Variants in PDE8B observed in about 807,000 individuals in gnomAD.
PDE8B encodes high affinity cAMP-specific and IBMX-insensitive 3',5'-cyclic phosphodiesterase 8B.
PDE8B carries 26 observed loss-of-function variants against 101.3 expected under a neutral mutation model. That is an observed-to-expected ratio of 0.26 (90% CI 0.19 to 0.36). The LOEUF (loss-of-function observed/expected upper bound fraction) is 0.36, where lower values mean the gene tolerates loss of function less well. Ranked by LOEUF, PDE8B falls within the 10% of genes least tolerant of loss-of-function variation. The pLI is 1.00. For synonymous variants in PDE8B, 424 were observed against 429.3 expected (o/e 0.99, Z 0.15); for missense variants, 810 against 1,163.1 (o/e 0.70, Z 4.42).
Position 77,310,975 on chromosome 5 carries a change from T to C in PDE8B, c.340-1019T>C, listed in dbSNP as rs185027917. ...TAATGTAAAGAAAGTTTGCTTTTCT[T>C]GTTTGTTTTTTGTAACTGAAAAGGC... On this transcript the variant is annotated intron_variant, in intron 1 of 21. Coordinates refer to ENST00000264917, the MANE Select transcript of PDE8B (RefSeq NM_003719.5). Among the ~76,000 whole-genome samples the C allele has an allele frequency of 5.3e-4, 80 of 152,302 alleles. No homozygotes were observed. The East Asian group carries it at 0.015, about 28-fold the overall frequency.
chr5:77,188,883 C>G, the PDE8B span, among the ~76,000 whole-genome samples: 3 of 152,162 alleles, frequency 2.0e-5, no homozygotes, highest in African/African-American at 4.8e-5. Flanking sequence ...ATGAGTAAGT[C>G]TGAGGGTAAA....
the PDE8B span, among the ~76,000 whole-genome samples, chr5:77,156,516 C>G: frequency 6.6e-6 from 1 of 152,186 alleles, no homozygotes; most frequent in South Asian, 2.1e-4. Flanking sequence ...TTACGTACTG[C>G]TGTCTATTAC....
At chr5:77,353,001 A>G (rs1044971972) in intron 9 of PDE8B, among the ~76,000 whole-genome samples, 11 of 152,248 alleles carry the variant, frequency 7.2e-5, no homozygotes, top group African/African-American at 2.7e-4. Context: ...CTATGCAATT[A>G]TTAGTATCAG....
At chr5:77,197,856 T>C in the PDE8B span, among the ~76,000 whole-genome samples, 1 of 150,030 alleles carries the variant, frequency 6.7e-6, no homozygotes, top group Non-Finnish European at 1.5e-5. Context: ...TCTTTTTTAA[T>C]ATTTTCCATT....
chr5:77,271,773 T>C (rs1762847255), intron 1 of PDE8B, among the ~76,000 whole-genome samples: 1 of 152,196 alleles, frequency 6.6e-6, no homozygotes. Flanking sequence ...GTTGACTAGA[T>C]GCTGGATAGT....
chr5:77,353,324 A>C (rs183396697), intron 9 of PDE8B, 22 bp from the exon 10 acceptor site: 1 of 1,353,234 alleles, frequency 7.4e-7, no homozygotes, highest in Admixed American at 1.7e-5. Context: ...TGACTCACTA[A>C]TAACTGATTA....
chr5:77,419,735 G>A, intron 18 of PDE8B, 32 bp from the exon 19 acceptor site: 1 of 1,612,450 alleles, frequency 6.2e-7, no homozygotes, highest in Non-Finnish European at 8.5e-7. Flanking sequence ...GACACGCTGT[G>A]AACAAGCCCC....
intron 1 of PDE8B, among the ~76,000 whole-genome samples, chr5:77,212,757 C>G (rs1439151215): frequency 6.6e-6 from 1 of 152,146 alleles, no homozygotes; most frequent in African/African-American, 2.4e-5. Flanking sequence ...CTCTCTCTCC[C>G]CCTCCCTGTT....
intron 1 of PDE8B, among the ~76,000 whole-genome samples, chr5:77,216,602 G>A (rs1749791445): frequency 6.6e-6 from 1 of 152,164 alleles, no homozygotes; most frequent in Admixed American, 6.5e-5. Flanking sequence ...TAGGGACACA[G>A]CCAAACCATA....
At chr5:77,356,857 C>T (rs1782196407) in intron 10 of PDE8B, among the ~76,000 whole-genome samples, 1 of 152,178 alleles carries the variant, frequency 6.6e-6, no homozygotes, top group Non-Finnish European at 1.5e-5. Flanking sequence ...CCCTACCCTG[C>T]CAAATCCTAT....
chr5:77,259,248 C>T (rs1200091549), intron 1 of PDE8B, among the ~76,000 whole-genome samples: 1 of 152,080 alleles, frequency 6.6e-6, no homozygotes, highest in East Asian at 1.9e-4. Flanking sequence ...TGGGTAGGGT[C>T]CCTTCCAGGT....
At chr5:77,335,217 AT>A (rs1777910838) in intron 5 of PDE8B, among the ~76,000 whole-genome samples, 1 of 152,152 alleles carries the variant, frequency 6.6e-6, no homozygotes, top group African/African-American at 2.4e-5. Flanking sequence ...TTATTCCAGC[AT>A]TTTCAAAACA....
At chr5:77,270,596 A>G (rs145845467) in intron 1 of PDE8B, among the ~76,000 whole-genome samples, 2 of 152,318 alleles carry the variant, frequency 1.3e-5, no homozygotes, top group African/African-American at 2.4e-5. Flanking sequence ...GGGACCCTGA[A>G]GCTTCTGGAT....
At chr5:77,242,001 G>A (rs1755864069) in intron 1 of PDE8B, among the ~76,000 whole-genome samples, 1 of 152,196 alleles carries the variant, frequency 6.6e-6, no homozygotes, top group South Asian at 2.1e-4. Context: ...CACGCAAGGT[G>A]TATGCCGATG....
chr5:77,223,833 T>A (rs1462403018), intron 1 of PDE8B, among the ~76,000 whole-genome samples: 1 of 152,234 alleles, frequency 6.6e-6, no homozygotes, highest in South Asian at 2.1e-4. Flanking sequence ...GCAGTGGTGC[T>A]GCCTGAGTGG....
At chr5:77,159,673 C>T in the PDE8B span, among the ~76,000 whole-genome samples, 1 of 152,154 alleles carries the variant, frequency 6.6e-6, no homozygotes, top group South Asian at 2.1e-4. Context: ...CTACAGGTAG[C>T]CCCTGCTCTC....
chr5:77,413,028 CT>C, intron 16 of PDE8B, 82 bp from the exon 17 acceptor site: 1 of 1,122,980 alleles, frequency 8.9e-7, no homozygotes. Context: ...AAGAAAAATG[CT>C]TCCATGCCCC....
At chr5:77,303,896 T>C (rs1770565677) in intron 1 of PDE8B, among the ~76,000 whole-genome samples, 1 of 152,238 alleles carries the variant, frequency 6.6e-6, no homozygotes, top group African/African-American at 2.4e-5. Context: ...TACTGTTGTA[T>C]AATATTCTAT....
At chr5:77,286,192 T>C (rs537041477) in intron 1 of PDE8B, among the ~76,000 whole-genome samples, 81 of 152,202 alleles carry the variant, frequency 5.3e-4, no homozygotes, top group Non-Finnish European at 9.7e-4. Context: ...ACACTCACAG[T>C]GTAAACATGA....
Sources: gnomAD v4.1 joint callset for allele counts (sites outside exome capture counted in the v4.1 genomes callset) on GRCh38, gnomAD v4.1.1 for gene constraint, MANE v1.5 for transcripts, NCBI Gene and HGNC (gene_info 2026-07-23, HGNC 2026-07-21) for gene names.